Variants in RBFOX1 observed in about 807,000 individuals in gnomAD.
RBFOX1 encodes the protein RNA binding protein fox-1 homolog 1.
In RBFOX1, 8 loss-of-function variants were observed where a neutral mutation model predicts 57.7. That is an observed-to-expected ratio of 0.14 (90% confidence interval 0.08 to 0.25). RBFOX1 has a LOEUF of 0.25. RBFOX1 is among the 10% of genes least tolerant of loss of function. The pLI, the probability that RBFOX1 is intolerant of heterozygous loss-of-function variation, is 1.00. For synonymous variants in RBFOX1, 326 were observed against 222.4 expected, an observed-to-expected ratio of 1.47 and a Z score of -4.15; for missense variants, 611 against 548.5, an observed-to-expected ratio of 1.11 and a Z score of -1.14.
At chr16:6,747,125 G>C (rs1249315512) in intron 3 of RBFOX1, among the ~76,000 whole-genome samples, 1 of 152,062 alleles carries the variant, frequency 6.6e-6, no homozygotes, top group Admixed American at 6.6e-5. Context: ...TATCTTACTG[G>C]TCGGCCAGGC....
intron 1 of RBFOX1, among the ~76,000 whole-genome samples, chr16:6,156,520 A>G (rs1307494828): frequency 1.3e-5 from 2 of 152,268 alleles, no homozygotes; most frequent in Non-Finnish European, 2.9e-5. Flanking sequence ...GCTATAGAAA[A>G]GAGAATGCTT....
intron 3 of RBFOX1, among the ~76,000 whole-genome samples, chr16:6,950,205 G>A (rs1034783583): frequency 2.2e-4 from 32 of 147,712 alleles, no homozygotes; most frequent in African/African-American, 7.6e-4. Flanking sequence ...TGATCCACCT[G>A]CCTCAGCCTC....
intron 4 of RBFOX1, among the ~76,000 whole-genome samples, chr16:7,236,538 C>T (rs1603426911): frequency 6.6e-6 from 1 of 152,126 alleles, no homozygotes; most frequent in Non-Finnish European, 1.5e-5. Context: ...GCATTTTCCC[C>T]ATCTGTTTTG....
intron 3 of RBFOX1, among the ~76,000 whole-genome samples, chr16:5,715,584 A>C (rs543503753): frequency 8.5e-5 from 13 of 152,336 alleles, no homozygotes; most frequent in African/African-American, 3.1e-4. Flanking sequence ...TGGGACATAG[A>C]ATGATGAAAT....
intron 3 of RBFOX1, among the ~76,000 whole-genome samples, chr16:5,631,164 T>G (rs2048494458): frequency 6.6e-6 from 1 of 152,166 alleles, no homozygotes; most frequent in South Asian, 2.1e-4. Flanking sequence ...TATGTCGGAA[T>G]TTGCTCTGAT....
At chr16:7,151,315 C>T (rs575673225) in intron 4 of RBFOX1, among the ~76,000 whole-genome samples, 8 of 152,226 alleles carry the variant, frequency 5.3e-5, no homozygotes, top group Admixed American at 6.5e-5. Flanking sequence ...CAAATTCCAA[C>T]GTATTTAAAC....
chr16:7,113,131 C>T (rs1257595223), intron 4 of RBFOX1, among the ~76,000 whole-genome samples: 1 of 152,100 alleles, frequency 6.6e-6, no homozygotes, highest in African/African-American at 2.4e-5. Flanking sequence ...TTTGAGATCT[C>T]TGCAGATATA....
At chr16:6,903,996 C>T (rs940710338) in intron 3 of RBFOX1, among the ~76,000 whole-genome samples, 2 of 152,066 alleles carry the variant, frequency 1.3e-5, no homozygotes, top group African/African-American at 4.8e-5. Context: ...GGAGTGACCA[C>T]GTGGTCACAA....
At chr16:6,889,920 A>C (rs1039155822) in intron 3 of RBFOX1, among the ~76,000 whole-genome samples, 4 of 152,200 alleles carry the variant, frequency 2.6e-5, no homozygotes, top group African/African-American at 9.7e-5. Flanking sequence ...TTCAAAACAA[A>C]ATTTCTCATA....
At chr16:6,896,277 C>T (rs1272624259) in intron 3 of RBFOX1, among the ~76,000 whole-genome samples, 1 of 152,120 alleles carries the variant, frequency 6.6e-6, no homozygotes, top group Non-Finnish European at 1.5e-5. Flanking sequence ...AAACATAAAA[C>T]AGTTTATCCT....
chr16:6,492,174 A>G (rs1598142186), intron 2 of RBFOX1, among the ~76,000 whole-genome samples: 1 of 152,178 alleles, frequency 6.6e-6, no homozygotes, highest in East Asian at 1.9e-4. Context: ...AAAGTTTTAT[A>G]TATTGTATTG....
chr16:7,452,607 G>A (rs2057587519), intron 4 of RBFOX1, among the ~76,000 whole-genome samples: 1 of 152,286 alleles, frequency 6.6e-6, no homozygotes, highest in East Asian at 1.9e-4. Context: ...TGCATGAAAT[G>A]TATCAGGCAC....
At chr16:7,197,534 A>C (rs2087037345) in intron 4 of RBFOX1, among the ~76,000 whole-genome samples, 1 of 152,156 alleles carries the variant, frequency 6.6e-6, no homozygotes, top group Non-Finnish European at 1.5e-5. Context: ...AAAAAAGTTA[A>C]ACATAAAATT....
intron 4 of RBFOX1, among the ~76,000 whole-genome samples, chr16:6,012,276 G>A (rs1249737607): frequency 6.6e-6 from 1 of 152,190 alleles, no homozygotes; most frequent in Non-Finnish European, 1.5e-5. Flanking sequence ...CTGAATGGAG[G>A]TATAGACCTA....
intron 2 of RBFOX1, chr16:5,598,897 G>C: frequency 1.3e-6 from 2 of 1,495,926 alleles, no homozygotes; most frequent in Non-Finnish European, 1.8e-6. Context: ...TTTGTTTTTT[G>C]CCAGGACTAC....
At chr16:6,106,599 C>A (rs2096382539) in intron 1 of RBFOX1, among the ~76,000 whole-genome samples, 1 of 152,084 alleles carries the variant, frequency 6.6e-6, no homozygotes, top group African/African-American at 2.4e-5. Flanking sequence ...AGGAAAGTCT[C>A]TTCATTGCCA....
At chr16:5,933,972 G>T (rs575650817) in intron 4 of RBFOX1, among the ~76,000 whole-genome samples, 12 of 152,162 alleles carry the variant, frequency 7.9e-5, no homozygotes, top group African/African-American at 1.7e-4. Flanking sequence ...GTAGGCGCCT[G>T]TGTCTGTTGT....
At chr16:7,327,692 T>C (rs955820689) in intron 4 of RBFOX1, among the ~76,000 whole-genome samples, 1 of 152,152 alleles carries the variant, frequency 6.6e-6, no homozygotes, top group Non-Finnish European at 1.5e-5. Context: ...AGAGGCAGCT[T>C]TTTCGCAGAT....
chr16:7,492,119 C>T (rs904796418), intron 4 of RBFOX1, among the ~76,000 whole-genome samples: 1 of 152,196 alleles, frequency 6.6e-6, no homozygotes, highest in African/African-American at 2.4e-5. Context: ...GAAAAAGACT[C>T]TGCAATAAAC....
Sources: gnomAD v4.1 joint callset for allele counts (sites outside exome capture counted in the v4.1 genomes callset) on GRCh38, gnomAD v4.1.1 for gene constraint, MANE v1.5 for transcripts, NCBI Gene and HGNC (gene_info 2026-07-23, HGNC 2026-07-21) for gene names.